The following PCDHAC2 variants were observed in gnomAD, a reference collection of about 807,000 sequenced individuals.
PCDHAC2 encodes protocadherin alpha subfamily C, 2.
Under a neutral mutation model 63.3 loss-of-function variants are expected in PCDHAC2, and 24 were observed. That is an observed-to-expected ratio of 0.38 (90% CI 0.27 to 0.53). PCDHAC2 has a LOEUF of 0.53. Among genes scored for constraint, PCDHAC2 ranks in the 20% least tolerant of loss-of-function variants. The probability of loss-of-function intolerance (pLI) is 0.81; values close to 1 mark genes in which losing one functional copy is unlikely to be tolerated. For missense variants in PCDHAC2, 1,181 were observed against 1,275.2 expected, an observed-to-expected ratio of 0.93 and a Z score of 1.12; for synonymous variants, 569 against 529.4, an observed-to-expected ratio of 1.07 and a Z score of -1.03.
chr5:141,009,701 C>G lies in PCDHAC2; in HGVS notation c.2788C>G (p.Pro930Ala). The G allele has an allele frequency of 6.2e-7, 1 of 1,614,036 alleles. No homozygotes were observed. Among genetic ancestry groups the G allele is most frequent in the South Asian group, 1.1e-5 (1 of 91,056 alleles). The change falls in exon 4 of 4, where the codon CCA (proline) becomes GCA (alanine). Residue 930 changes from proline to alanine, a missense_variant. Coordinates refer to ENST00000289269, the MANE Select transcript of PCDHAC2 (RefSeq NM_018899.6). ...NSNSWTFKYG[P>A]GNPKQSGPGE... ...CAACAGCTGGACCTTTAAATACGGA[C>G]CAGGCAACCCCAAACAATCCGGTCC...
intron 3 of PCDHAC2, among the ~76,000 whole-genome samples, chr5:141,006,150 G>A (rs1035867146): frequency 1.1e-4 from 16 of 151,274 alleles, no homozygotes; most frequent in Admixed American, 6.6e-5. Flanking sequence ...AAGCAGAGGA[G>A]TGATATAATC....
In PCDHAC2 at chr5:140,996,798, A is replaced by G. The variant is rs528740592; in HGVS notation, c.2714-12829A>G. Among the ~76,000 whole-genome samples, 4 of 152,268 alleles carry G rather than the reference A, an allele frequency of 2.6e-5. No individual in the cohort carries two copies. In the East Asian group the frequency reaches 5.8e-4, roughly 22 times the overall value. ...AGTAGTGCCTCACTCCCTACATCCA[A>G]TCATGCTTTCCAAAAGTAACCACTA... On this transcript the variant is annotated intron_variant, in intron 3 of 3. Coordinates refer to ENST00000289269, the MANE Select transcript of PCDHAC2 (RefSeq NM_018899.6).
chr5:140,982,609 G>A, intron 3 of PCDHAC2, 46 bp downstream of exon 3: 1 of 1,600,864 alleles, frequency 6.2e-7, no homozygotes, highest in East Asian at 2.2e-5. Context: ...TCTGGAAAGT[G>A]ATCAGATGAC....
Position 140,966,927 on chromosome 5 carries a change from C to A in PCDHAC2, c.161C>A (p.Pro54His). 1 of 1,603,516 alleles carries A rather than the reference C, an allele frequency of 6.2e-7. No homozygotes were observed. Among genetic ancestry groups the A allele is most frequent in the Non-Finnish European group, 8.5e-7 (1 of 1,178,410 alleles). ...TACTCTGTGCCAGAGGAGCAGGCACCCGGCGCGCTCGTGGGCAACGTGGCT... is the reference window on the plus strand; with the variant it reads ...TACTCTGTGCCAGAGGAGCAGGCACACGGCGCGCTCGTGGGCAACGTGGCT... Reference protein sequence around the residue: ...LRYSVPEEQAPGALVGNVARA... With the variant: ...LRYSVPEEQAHGALVGNVARA... Residue 54 changes from proline to histidine, a missense_variant, in exon 1 of 4, where the codon CCC becomes CAC. Pro to His is a moderately conservative substitution (Grantham distance 77). Coordinates refer to ENST00000289269, the MANE Select transcript of PCDHAC2 (RefSeq NM_018899.6).
At chr5:140,999,143 A>G (rs2097848811) in intron 3 of PCDHAC2, among the ~76,000 whole-genome samples, 1 of 152,214 alleles carries the variant, frequency 6.6e-6, no homozygotes, top group Non-Finnish European at 1.5e-5. Context: ...CACAGCCGGA[A>G]GTCTTCAGTC....
chr5:140,987,474 G>A (rs114440148), intron 3 of PCDHAC2, among the ~76,000 whole-genome samples: 307 of 152,240 alleles, frequency 2.0e-3, no homozygotes, highest in African/African-American at 7.1e-3. Context: ...CTCAAGCTTG[G>A]GAGTCAGTGA....
chr5:140,969,399 AT>A, intron 1 of PCDHAC2, 68 bp downstream of exon 1: 1 of 1,580,514 alleles, frequency 6.3e-7, no homozygotes, highest in Non-Finnish European at 8.6e-7. Context: ...ATATCCTGTG[AT>A]TTGGCTTTAT....
chr5:140,966,659 G>C lies in PCDHAC2; in HGVS notation c.-108G>C. On this transcript the variant is annotated 5_prime_UTR_variant, in exon 1 of 4. Transcript: ENST00000289269. ...GCTTTCTAGAGCGTGAGCGGTGGGG[G>C]AGCAGGCGCAGGGTGGCACGAGCGG... 4.1e-6 allele frequency: 5 copies of C among 1,217,658 alleles called. No homozygotes were observed. The highest frequency in any genetic ancestry group is 5.3e-6 in the Non-Finnish European group (5 of 934,848). 75.4% of individuals were successfully genotyped at this position (1,217,658 alleles called of 1,614,324 possible).
intron 3 of PCDHAC2, among the ~76,000 whole-genome samples, chr5:140,995,493 G>T (rs1427672474): frequency 6.6e-6 from 1 of 152,148 alleles, no homozygotes; most frequent in Non-Finnish European, 1.5e-5. Flanking sequence ...TCAGACTAAG[G>T]TTGACTGTGG....
At position 140,968,861 on chromosome 5, in the gene PCDHAC2, C is replaced by G; in HGVS notation, c.2095C>G (p.Arg699Gly). 1.9e-6 allele frequency: 3 copies of G among 1,614,182 alleles called. No homozygotes were observed. In the South Asian group the frequency reaches 3.3e-5, roughly 18 times the overall value. Reference protein sequence around the residue: ...PDTQRHVKSPRTYSEITLYLI... With the variant: ...PDTQRHVKSPGTYSEITLYLI... ...CACTCAGAGGCATGTTAAGAGCCCT[C>G]GGACATACTCTGAAATTACCCTTTA... is the stretch of plus-strand genomic sequence containing the variant. Residue 699 changes from arginine (R) to glycine (G), a missense_variant, in exon 1 of 4, where the codon CGG becomes GGG. Arg to Gly is a moderately radical substitution (Grantham distance 125). Coordinates refer to ENST00000289269, the MANE Select transcript of PCDHAC2 (RefSeq NM_018899.6).
At chr5:140,990,552 C>G (rs1379026755) in intron 3 of PCDHAC2, among the ~76,000 whole-genome samples, 5 of 152,130 alleles carry the variant, frequency 3.3e-5, no homozygotes, top group African/African-American at 1.2e-4. Flanking sequence ...CTGTATTACC[C>G]AAGAACACAC....
intron 1 of PCDHAC2, among the ~76,000 whole-genome samples, chr5:140,977,260 T>C (rs2096752693): frequency 6.6e-6 from 1 of 152,226 alleles, no homozygotes. Flanking sequence ...TCTCAGCAGA[T>C]GTTACAGTCT....
chr5:140,966,705 G>A lies in PCDHAC2; in HGVS notation c.-62G>A. On this transcript the variant is annotated 5_prime_UTR_variant, in exon 1 of 4. Transcript: ENST00000289269. ...AGCGGAGGCGGGGCCCGGGCGTGGG[G>A]CACGGCTGGGGAAGCTGCCGCCTCC... 7.3e-7 allele frequency: 1 copy of A among 1,379,198 alleles called. No individual in the cohort carries two copies. Among genetic ancestry groups the A allele is most frequent in the Non-Finnish European group, 9.3e-7 (1 of 1,071,568 alleles). The allele number at this position is 1,379,198 out of a possible 1,614,324, so 85.4% of individuals were successfully genotyped here. A position where few individuals can be genotyped will look rare whatever the true frequency, so the allele number is the denominator to read the frequency against.
chr5:141,004,883 A>T (rs1273215928), intron 3 of PCDHAC2, among the ~76,000 whole-genome samples: 4 of 152,132 alleles, frequency 2.6e-5, no homozygotes, highest in Admixed American at 2.0e-4. Flanking sequence ...CTAAAGTGCT[A>T]TTGTGTCAGC....
chr5:141,001,017 A>G (rs1414857051), intron 3 of PCDHAC2, among the ~76,000 whole-genome samples: 2 of 152,240 alleles, frequency 1.3e-5, no homozygotes, highest in Admixed American at 1.3e-4. Flanking sequence ...TTAGATATAC[A>G]CTTATAATAA....
At chr5:141,004,705 C>T (rs535016776) in intron 3 of PCDHAC2, among the ~76,000 whole-genome samples, 5 of 152,154 alleles carry the variant, frequency 3.3e-5, no homozygotes, top group Admixed American at 6.5e-5. Context: ...TTTTAGGTGC[C>T]GAATCAGAGG....
Position 140,968,464 on chromosome 5 carries a change from C to T in PCDHAC2, c.1698C>T (p.Asn566=), listed in dbSNP as rs1554230763. The change falls in exon 1 of 4, where the codon AAC becomes AAT. Residue 566 remains asparagine (N), a synonymous_variant. Transcript: ENST00000289269. ...CACTGAGCAGCACTGTGACTGCCAA[C>T]GTATATGTGGTGGACATGAATGACC... The part of the protein sequence containing the change: ...SPPLSSTVTA[N]VYVVDMNDHA... The T allele has an allele frequency of 2.5e-6, 4 of 1,613,996 alleles. No homozygotes were observed. The highest frequency in any genetic ancestry group is 1.7e-5 in the Admixed American group (1 of 60,006).
chr5:140,973,513 A>G (rs2096591492), intron 1 of PCDHAC2, among the ~76,000 whole-genome samples: 1 of 151,864 alleles, frequency 6.6e-6, no homozygotes, highest in Non-Finnish European at 1.5e-5. Context: ...GAAAAAGTTT[A>G]TTTTCTTTGG....
chr5:140,993,342 C>T (rs1554253606), intron 3 of PCDHAC2, among the ~76,000 whole-genome samples: 1 of 151,994 alleles, frequency 6.6e-6, no homozygotes, highest in African/African-American at 2.4e-5. Flanking sequence ...TTGAAGGGCA[C>T]TACGAAGATC....
Sources: gnomAD v4.1 joint callset for allele counts (sites outside exome capture counted in the v4.1 genomes callset) on GRCh38, gnomAD v4.1.1 for gene constraint, MANE v1.5 for transcripts, NCBI Gene and HGNC (gene_info 2026-07-23, HGNC 2026-07-21) for gene names.